The following DDAH1 variants were observed in gnomAD, a reference collection of about 807,000 sequenced individuals.
DDAH1 encodes the protein dimethylarginine dimethylaminohydrolase 1.
In DDAH1, 19 loss-of-function variants were observed where a neutral mutation model predicts 28.8. The ratio of observed to expected loss-of-function variants is 0.66; its 90% CI spans 0.46 to 0.97. The LOEUF is 0.97. Among genes scored for constraint, DDAH1 ranks in the 50% least tolerant of loss-of-function variants. DDAH1 has a pLI of 0.00. For synonymous variants in DDAH1, 153 were observed against 154.4 expected, an observed-to-expected ratio of 0.99 and a Z score of 0.07; for missense variants, 326 against 375.9, an observed-to-expected ratio of 0.87 and a Z score of 1.10.
chr1:85,357,832 T>G (rs1649569771), intron 2 of DDAH1, among the ~76,000 whole-genome samples: 1 of 152,252 alleles, frequency 6.6e-6, no homozygotes, highest in Non-Finnish European at 1.5e-5. Context: ...ACACTAATTA[T>G]ACGATAAATG....
intron 1 of DDAH1, among the ~76,000 whole-genome samples, chr1:85,404,213 G>A (rs926063228): frequency 3.3e-5 from 5 of 152,050 alleles, no homozygotes; most frequent in South Asian, 2.1e-4. Context: ...ATTACAATTC[G>A]CAAGTATTGA....
chr1:85,377,756 A>T (rs1328091986), intron 1 of DDAH1, among the ~76,000 whole-genome samples: 1 of 150,718 alleles, frequency 6.6e-6, no homozygotes, highest in Non-Finnish European at 1.5e-5. Flanking sequence ...ATTCAGTAAA[A>T]TTTTTGAGTA....
At chr1:85,419,173 G>C (rs1007784325) in intron 1 of DDAH1, among the ~76,000 whole-genome samples, 4 of 152,084 alleles carry the variant, frequency 2.6e-5, no homozygotes, top group African/African-American at 7.2e-5. Context: ...AACTCCAGGA[G>C]ATACCATTAT....
At chr1:85,401,952 T>C (rs1465541046) in intron 1 of DDAH1, among the ~76,000 whole-genome samples, 1 of 152,206 alleles carries the variant, frequency 6.6e-6, no homozygotes, top group African/African-American at 2.4e-5. Context: ...TTGTTCCTTT[T>C]TAATGTGTTC....
chr1:85,347,519 A>G (rs1327102443), intron 4 of DDAH1, among the ~76,000 whole-genome samples: 1 of 152,148 alleles, frequency 6.6e-6, no homozygotes, highest in Non-Finnish European at 1.5e-5. Flanking sequence ...CACAAGAGCA[A>G]AAAACCAAAC....
At chr1:85,472,572 C>T (rs1655652161) in intron 2 of DDAH1, among the ~76,000 whole-genome samples, 1 of 152,184 alleles carries the variant, frequency 6.6e-6, no homozygotes, top group Non-Finnish European at 1.5e-5. Flanking sequence ...TAATAACCCA[C>T]GGATGCCAGA....
Position 85,533,075 on chromosome 1 carries a change from A to G in DDAH1, c.-122-36794T>C, listed in dbSNP as rs1658147403. On this transcript the variant is annotated intron_variant, in intron 1 of 6. Coordinates refer to the DDAH1 transcript ENST00000426972. ...TGAAGACTTGGTTTTATAATCTTTT[A>G]CTAAACTGGAGAAAACTCACTTAGG... Among the ~76,000 whole-genome samples the G allele has an allele frequency of 1.3e-5, 2 of 152,178 alleles. 1 individual carries two copies. The highest frequency in any genetic ancestry group is 4.8e-5 in the African/African-American group (2 of 41,452).
chr1:85,541,641 A>G (rs1658473559), intron 1 of DDAH1, among the ~76,000 whole-genome samples: 3 of 152,218 alleles, frequency 2.0e-5, no homozygotes, highest in African/African-American at 7.2e-5. Context: ...ATTTTTAAAC[A>G]CTTTGCTACA....
At chr1:85,526,247 T>G (rs1235256815) in intron 1 of DDAH1, among the ~76,000 whole-genome samples, 1 of 152,218 alleles carries the variant, frequency 6.6e-6, no homozygotes, top group Non-Finnish European at 1.5e-5. Context: ...AGAAAAAGGC[T>G]TATTCCTGAA....
At chr1:85,332,826 C>T (rs1647859258) in intron 4 of DDAH1, among the ~76,000 whole-genome samples, 2 of 152,222 alleles carry the variant, frequency 1.3e-5, no homozygotes, top group African/African-American at 4.8e-5. Context: ...GAGAATAGGC[C>T]TGCCCAGCCT....
chr1:85,449,497 C>A (rs922988509), intron 1 of DDAH1, among the ~76,000 whole-genome samples: 2 of 152,080 alleles, frequency 1.3e-5, no homozygotes, highest in African/African-American at 4.8e-5. Flanking sequence ...ACCAACAGAC[C>A]TATTGAACAA....
intron 1 of DDAH1, among the ~76,000 whole-genome samples, chr1:85,393,542 G>T (rs192048492): frequency 6.6e-6 from 1 of 152,288 alleles, no homozygotes; most frequent in East Asian, 1.9e-4. Context: ...CCTTGTAAAA[G>T]AAATTTACAT....
At chr1:85,507,136 ATG>A (rs1158443171) in intron 1 of DDAH1, among the ~76,000 whole-genome samples, 5 of 152,016 alleles carry the variant, frequency 3.3e-5, no homozygotes, top group East Asian at 1.9e-4. Context: ...ATATATATAT[ATG>A]TGTGTGTGTG....
At chr1:85,442,566 A>G (rs1654247109) in intron 1 of DDAH1, among the ~76,000 whole-genome samples, 1 of 152,194 alleles carries the variant, frequency 6.6e-6, no homozygotes, top group Non-Finnish European at 1.5e-5. Context: ...GCTGGGTCAA[A>G]TGGTATTTCT....
At chr1:85,346,889 A>T (rs1337563518) in intron 4 of DDAH1, among the ~76,000 whole-genome samples, 1 of 152,194 alleles carries the variant, frequency 6.6e-6, no homozygotes, top group East Asian at 1.9e-4. Flanking sequence ...TAATATCCAG[A>T]ATCTACAAAG....
Position 85,344,579 on chromosome 1 carries a change from C to T in DDAH1, c.597+5836G>A, listed in dbSNP as rs1648722094. Among the ~76,000 whole-genome samples, 3 of 139,230 alleles carry T rather than the reference C, an allele frequency of 2.2e-5. No homozygotes were observed. The South Asian group carries it at 7.6e-4, about 35-fold the overall frequency. 91.3% of individuals were successfully genotyped at this position (139,230 alleles called of 152,430 possible). ...CTCTCCCTTCCCTCCCTTCATCCTT[C>T]CCTCCCTTCCCTCCCTCCCTTCATC... On this transcript the variant is annotated intron_variant, in intron 4 of 5. Coordinates refer to ENST00000284031, the MANE Select transcript of DDAH1 (RefSeq NM_012137.4).
chr1:85,500,157 T>C (rs1183324920), intron 1 of DDAH1, among the ~76,000 whole-genome samples: 2 of 61,204 alleles, frequency 3.3e-5, no homozygotes, highest in South Asian at 6.8e-4. Flanking sequence ...TTTTCTTTCT[T>C]TCTTTCTCTT....
At chr1:85,427,668 AAAAC>A (rs750433222) in intron 1 of DDAH1, among the ~76,000 whole-genome samples, 10 of 152,210 alleles carry the variant, frequency 6.6e-5, no homozygotes, top group Non-Finnish European at 1.2e-4. Context: ...TTGCTCTGGG[AAAAC>A]AAACAAACAC....
intron 1 of DDAH1, among the ~76,000 whole-genome samples, chr1:85,446,389 C>G (rs12022443): frequency 5.3e-5 from 8 of 152,082 alleles, no homozygotes; most frequent in Non-Finnish European, 1.2e-4. Context: ...AAACCACCCC[C>G]GTGATTCAAT....
Sources: allele counts gnomAD v4.1 joint callset (sites outside exome capture counted in the v4.1 genomes callset), GRCh38; gene constraint gnomAD v4.1.1; transcripts MANE v1.5; gene names NCBI Gene and HGNC (gene_info 2026-07-23, HGNC 2026-07-21).